Variants in MICAL3 observed in about 807,000 individuals in gnomAD.
The protein encoded by MICAL3 is [F-actin]-monooxygenase MICAL3.
In MICAL3, 62 loss-of-function variants were observed where a neutral mutation model predicts 207.4. The ratio of observed to expected loss-of-function variants is 0.30; its 90% CI spans 0.24 to 0.37. The LOEUF is 0.37. Among genes scored for constraint, MICAL3 ranks in the 10% least tolerant of loss-of-function variants. The pLI, the probability that MICAL3 is intolerant of heterozygous loss-of-function variation, is 1.00. For synonymous variants in MICAL3, 1,077 were observed against 1,069.3 expected, an observed-to-expected ratio of 1.01 and a Z score of -0.14; for missense variants, 2,368 against 2,635.6, an observed-to-expected ratio of 0.90 and a Z score of 2.22.
chr22:17,842,669 T>A (rs1490884608), intron 19 of MICAL3, among the ~76,000 whole-genome samples: 1 of 152,268 alleles, frequency 6.6e-6, no homozygotes, highest in African/African-American at 2.4e-5. Flanking sequence ...CCCAGGCCTC[T>A]CTGCGATGCA....
At chr22:17,868,554 C>A (rs890997635) in intron 17 of MICAL3, among the ~76,000 whole-genome samples, 1 of 152,194 alleles carries the variant, frequency 6.6e-6, no homozygotes, top group Non-Finnish European at 1.5e-5. Flanking sequence ...AGAGCCTGCA[C>A]TACCATGACA....
intron 1 of MICAL3, among the ~76,000 whole-genome samples, chr22:17,986,201 G>A (rs1359271268): frequency 5.3e-5 from 8 of 152,260 alleles, no homozygotes; most frequent in East Asian, 1.9e-4. Context: ...CACCTCGCCC[G>A]GCCACAAGAA....
chr22:17,846,695 C>T (rs565512538), intron 19 of MICAL3, among the ~76,000 whole-genome samples: 14 of 152,368 alleles, frequency 9.2e-5, no homozygotes, highest in South Asian at 2.1e-4. Context: ...ACCTCCCGCC[C>T]TCTACTCCAC....
At chr22:17,825,649 G>A (rs532954670) in intron 22 of MICAL3, among the ~76,000 whole-genome samples, 5 of 152,326 alleles carry the variant, frequency 3.3e-5, no homozygotes, top group African/African-American at 4.8e-5. Context: ...AGAAGTGACC[G>A]CTAGGACAGT....
In MICAL3 at chr22:17,810,676, C is replaced by A. The variant is rs1294040668; in HGVS notation, c.5556+27G>T. The A allele has an allele frequency of 1.9e-6, 3 of 1,576,454 alleles. No homozygotes were observed. The East Asian group carries it at 6.7e-5, about 35-fold the overall frequency. On this transcript the variant is annotated intron_variant, in intron 28 of 31. Coordinates refer to ENST00000441493, the MANE Select transcript of MICAL3 (RefSeq NM_015241.3). ...GCTGCCCAACCCTCCCATGCATGTG[C>A]CCTGGTCCCATCCTCCATGGTTTTA...
chr22:17,789,296 T>G lies in MICAL3; in HGVS notation c.*1436A>C, dbSNP rs773905983. On this transcript the variant is annotated 3_prime_UTR_variant, in exon 32 of 32. Transcript: ENST00000441493. The stretch of plus-strand genomic sequence containing the variant: ...GAATCTTAGGCTGGGAGGAGGGAAT[T>G]CTCACCAGCCACATGATTCCAGGGT... 3.3e-5 allele frequency: 5 copies of G among 152,232 alleles called. No homozygotes were observed. The highest frequency in any genetic ancestry group is 6.5e-5 in the Admixed American group (1 of 15,282). 9.4% of individuals were successfully genotyped at this position (152,232 alleles called of 1,614,324 possible).
chr22:17,825,338 G>C (rs371725208), intron 22 of MICAL3, among the ~76,000 whole-genome samples: 11 of 152,306 alleles, frequency 7.2e-5, no homozygotes, highest in African/African-American at 2.6e-4. Context: ...GGTGGATCTG[G>C]GGGTGAAATT....
intron 1 of MICAL3, among the ~76,000 whole-genome samples, chr22:17,945,737 C>T (rs1934035500): frequency 6.6e-6 from 1 of 152,164 alleles, no homozygotes; most frequent in Non-Finnish European, 1.5e-5. Flanking sequence ...AGTCTAGCCT[C>T]CCACATCAAA....
chr22:17,897,016 A>C, intron 7 of MICAL3, 35 bp from the exon 8 acceptor site: 1 of 1,580,766 alleles, frequency 6.3e-7, no homozygotes, highest in Non-Finnish European at 8.6e-7. Context: ...AGGGATGGAG[A>C]AGCTCTGGCA....
chr22:17,953,796 T>C (rs759790064), intron 1 of MICAL3, among the ~76,000 whole-genome samples: 3 of 151,246 alleles, frequency 2.0e-5, no homozygotes, highest in East Asian at 3.9e-4. Flanking sequence ...CTGAACGCAG[T>C]GGTGCGTACC....
chr22:17,984,568 G>C (rs394473), intron 1 of MICAL3, among the ~76,000 whole-genome samples: 85,661 of 146,242 alleles, frequency 0.59, 25,511 homozygotes, highest in Middle Eastern at 0.71. Flanking sequence ...CAGTCACTTG[G>C]TCAGTGAACA....
chr22:17,819,356 G>C (rs5992855), intron 25 of MICAL3, among the ~76,000 whole-genome samples: 49,672 of 152,030 alleles, frequency 0.33, 8,514 homozygotes, highest in African/African-American at 0.36. Flanking sequence ...AGACAAACTG[G>C]GTTTTCAGGA....
In MICAL3 at chr22:17,987,599, C is replaced by T. The variant is rs537550421; in HGVS notation, c.-75+36682G>A. Among the ~76,000 whole-genome samples the T allele has an allele frequency of 2.0e-5, 3 of 152,306 alleles. No individual in the cohort carries two copies. In the East Asian group the frequency reaches 5.8e-4, roughly 29 times the overall value. On this transcript the variant is annotated intron_variant, in intron 1 of 31. Coordinates refer to ENST00000441493, the MANE Select transcript of MICAL3 (RefSeq NM_015241.3). The stretch of plus-strand genomic sequence containing the variant: ...CCTACCCACCTGTATGGAACAGCTG[C>T]CACGTCACTATTTACCTATGGCAGG...
At chr22:17,849,314 A>T (rs1387699668) in intron 19 of MICAL3, among the ~76,000 whole-genome samples, 1 of 152,184 alleles carries the variant, frequency 6.6e-6, no homozygotes, top group East Asian at 1.9e-4. Context: ...AGTCTCTAAG[A>T]GTCCTTCCAA....
intron 1 of MICAL3, among the ~76,000 whole-genome samples, chr22:17,952,787 T>C (rs568340930): frequency 4.3e-4 from 65 of 152,310 alleles, no homozygotes; most frequent in African/African-American, 1.5e-3. Flanking sequence ...CATGAGGTAC[T>C]GGAAAGAACA....
At chr22:17,968,230 G>A (rs1323831634) in intron 1 of MICAL3, among the ~76,000 whole-genome samples, 1 of 152,118 alleles carries the variant, frequency 6.6e-6, no homozygotes, top group Non-Finnish European at 1.5e-5. Flanking sequence ...ATGAGCAAAG[G>A]GGGAATCAGA....
At chr22:17,830,167 G>T (rs2146039228) in intron 21 of MICAL3, among the ~76,000 whole-genome samples, 1 of 152,182 alleles carries the variant, frequency 6.6e-6, no homozygotes, top group South Asian at 2.1e-4. Context: ...ACAGCAGGGG[G>T]AGCCAGAGAC....
chr22:17,803,966 G>A (rs935639820), intron 29 of MICAL3: 8 of 443,664 alleles, frequency 1.8e-5, no homozygotes, highest in African/African-American at 6.5e-5. Context: ...GATATGGAGC[G>A]CAAGAAACAC....
At chr22:17,879,943 T>C (rs529974441) in intron 16 of MICAL3, among the ~76,000 whole-genome samples, 3 of 152,114 alleles carry the variant, frequency 2.0e-5, no homozygotes, top group South Asian at 2.1e-4. Context: ...GACGGGAAGG[T>C]ATATGTGAAA....
Sources: gnomAD v4.1 joint callset for allele counts (sites outside exome capture counted in the v4.1 genomes callset) on GRCh38, gnomAD v4.1.1 for gene constraint, MANE v1.5 for transcripts, NCBI Gene and HGNC (gene_info 2026-07-23, HGNC 2026-07-21) for gene names.